MEI4: variants seen among roughly 807,000 people sequenced by gnomAD.
MEI4 encodes the protein meiotic double-stranded break formation protein 4, also known as meiosis-specific protein MEI4.
Under a neutral mutation model 31.4 loss-of-function variants are expected in MEI4, and 27 were observed. The ratio of observed to expected loss-of-function variants is 0.86; its 90% CI spans 0.63 to 1.19. The LOEUF (loss-of-function observed/expected upper bound fraction) is 1.19. MEI4 is among the 50% of genes most tolerant of loss of function. The pLI, the probability that MEI4 is intolerant of heterozygous loss-of-function variation, is 0.00. For synonymous variants in MEI4, 122 were observed against 145.4 expected, an observed-to-expected ratio of 0.84 and a Z score of 1.16; for missense variants, 329 against 398.9, an observed-to-expected ratio of 0.82 and a Z score of 1.49.
chr6:77,688,496 G>T (rs1420458784), intron 1 of MEI4, among the ~76,000 whole-genome samples: 1 of 152,108 alleles, frequency 6.6e-6, no homozygotes, highest in African/African-American at 2.4e-5. Flanking sequence ...TATTCAGCAT[G>T]ATTTTAAGAC....
chr6:77,744,470 G>A (rs557856089), intron 2 of MEI4, among the ~76,000 whole-genome samples: 16 of 152,162 alleles, frequency 1.1e-4, no homozygotes, highest in African/African-American at 3.6e-4. Flanking sequence ...GGGACTATGC[G>A]AAAAGACCAA....
chr6:77,877,350 T>C (rs1173326284), intron 4 of MEI4, among the ~76,000 whole-genome samples: 2 of 152,076 alleles, frequency 1.3e-5, no homozygotes, highest in Non-Finnish European at 2.9e-5. Context: ...CCCTTCAAAG[T>C]TGTGTTGAAA....
At chr6:77,764,457 GTCTT>G (rs2127683830) in intron 3 of MEI4, among the ~76,000 whole-genome samples, 1 of 151,790 alleles carries the variant, frequency 6.6e-6, no homozygotes, top group South Asian at 2.1e-4. Flanking sequence ...TTTTGCTCCA[GTCTT>G]TATTATTCTC....
intron 4 of MEI4, among the ~76,000 whole-genome samples, chr6:77,905,144 C>T (rs1581966728): frequency 6.6e-6 from 1 of 151,972 alleles, no homozygotes; most frequent in South Asian, 2.1e-4. Context: ...TTCTGAAAGA[C>T]CGCTTTGCCA....
intron 1 of MEI4, among the ~76,000 whole-genome samples, chr6:77,653,847 A>T (rs1348232370): frequency 6.6e-6 from 1 of 152,086 alleles, no homozygotes; most frequent in Non-Finnish European, 1.5e-5. Flanking sequence ...TAGGAAGTCA[A>T]CCCCCCATCA....
intron 3 of MEI4, among the ~76,000 whole-genome samples, chr6:77,785,476 G>C (rs1248127364): frequency 6.6e-6 from 1 of 152,164 alleles, no homozygotes; most frequent in Non-Finnish European, 1.5e-5. Context: ...GGAGGGCCTT[G>C]AGTGAAGGCA....
intron 4 of MEI4, among the ~76,000 whole-genome samples, chr6:77,846,989 T>G (rs1473698919): frequency 6.6e-6 from 1 of 152,156 alleles, no homozygotes; most frequent in Non-Finnish European, 1.5e-5. Flanking sequence ...TCATAGATTC[T>G]TTCATTGAGA....
At chr6:77,846,640 C>A (rs1770494222) in intron 4 of MEI4, among the ~76,000 whole-genome samples, 1 of 152,154 alleles carries the variant, frequency 6.6e-6, no homozygotes, top group South Asian at 2.1e-4. Context: ...TTTTCCCTGT[C>A]CCTGGTCATT....
Position 77,924,440 on chromosome 6 carries a change from TGTCA to T in MEI4, c.*1100_*1103del, listed in dbSNP as rs996099810. ...TTTGATAATCCTGAAACTACATGTA[TGTCA>T]GTCAGCTTTTGTTATGTGACAGATA... On this transcript the variant is annotated 3_prime_UTR_variant, in exon 5 of 5. Transcript: ENST00000684080. The T allele has an allele frequency of 3.9e-5, 6 of 151,992 alleles. No individual in the cohort carries two copies. The highest frequency in any genetic ancestry group is 2.1e-4 in the South Asian group (1 of 4,828). 9.4% of individuals were successfully genotyped at this position (151,992 alleles called of 1,614,324 possible).
At chr6:77,742,980 A>G (rs552477254) in intron 2 of MEI4, among the ~76,000 whole-genome samples, 9 of 151,930 alleles carry the variant, frequency 5.9e-5, no homozygotes, top group Non-Finnish European at 1.2e-4. Flanking sequence ...ATTGATCTAT[A>G]TCTCTGTTTT....
At chr6:77,907,104 C>T (rs564875335) in intron 4 of MEI4, among the ~76,000 whole-genome samples, 61 of 151,276 alleles carry the variant, frequency 4.0e-4, no homozygotes, top group African/African-American at 1.5e-3. Context: ...TTCACTCAGG[C>T]AAAATAAAAC....
At position 77,824,971 on chromosome 6, in the gene MEI4, T is replaced by C. The variant is rs185876754; in HGVS notation, c.769-3960T>C. Among the ~76,000 whole-genome samples the C allele has an allele frequency of 2.3e-4, 35 of 152,284 alleles. No individual in the cohort carries two copies. In the East Asian group the frequency reaches 6.6e-3, roughly 29 times the overall value. The stretch of plus-strand genomic sequence containing the variant: ...CCATATAACCAATCTCTATCACTTG[T>C]TCACTTGTTCAGTGATAATTAGGTA... On this transcript the variant is annotated intron_variant, in intron 3 of 4. Transcript: ENST00000684080.
chr6:77,702,091 T>C (rs986425569), intron 2 of MEI4, among the ~76,000 whole-genome samples: 4 of 152,194 alleles, frequency 2.6e-5, no homozygotes. Context: ...TTAGCTAGAC[T>C]AGTGGTGACA....
At chr6:77,742,502 T>G (rs1220969485) in intron 2 of MEI4, among the ~76,000 whole-genome samples, 1 of 152,206 alleles carries the variant, frequency 6.6e-6, no homozygotes, top group Non-Finnish European at 1.5e-5. Flanking sequence ...TTGAGTTCAT[T>G]GTAGATTCTG....
At chr6:77,768,138 A>G (rs137996532) in intron 3 of MEI4, among the ~76,000 whole-genome samples, 51 of 152,328 alleles carry the variant, frequency 3.3e-4, no homozygotes, top group Non-Finnish European at 2.4e-4. Context: ...GGAAGTACTT[A>G]ACCAGTAGTA....
Position 77,867,344 on chromosome 6 carries a change from T to C in MEI4, c.900+38282T>C, listed in dbSNP as rs372533463. ...TACTCATCTGACAAAGGGCTAATAT[T>C]CAGAATCTACAATGAACTCAAACAA... On this transcript the variant is annotated intron_variant, in intron 4 of 4. Transcript: ENST00000684080. Among the ~76,000 whole-genome samples the C allele has an allele frequency of 7.2e-4, 110 of 152,182 alleles. 1 individual carries two copies. Among genetic ancestry groups the C allele is most frequent in the African/African-American group, 2.5e-3 (103 of 41,518 alleles).
chr6:77,653,466 T>C (rs1768334319), intron 1 of MEI4, among the ~76,000 whole-genome samples: 1 of 152,172 alleles, frequency 6.6e-6, no homozygotes, highest in East Asian at 1.9e-4. Context: ...GGTCAAGTGA[T>C]TGGGGAATAA....
intron 3 of MEI4, among the ~76,000 whole-genome samples, chr6:77,805,893 A>T (rs1435191726): frequency 6.6e-6 from 1 of 151,886 alleles, no homozygotes; most frequent in Non-Finnish European, 1.5e-5. Flanking sequence ...ATTAGAATGG[A>T]TTATTAGAGA....
intron 1 of MEI4, among the ~76,000 whole-genome samples, chr6:77,664,499 G>GA (rs1244723298): frequency 1.3e-5 from 2 of 152,140 alleles, no homozygotes; most frequent in Non-Finnish European, 2.9e-5. Context: ...GTCACGGAAC[G>GA]AAACTGTAAG....
Sources: allele counts gnomAD v4.1 joint callset (sites outside exome capture counted in the v4.1 genomes callset), GRCh38; gene constraint gnomAD v4.1.1; transcripts MANE v1.5; gene names NCBI Gene and HGNC (gene_info 2026-07-23, HGNC 2026-07-21).